The following USP24 variants were observed in gnomAD, a reference collection of about 807,000 sequenced individuals.
The protein encoded by USP24 is ubiquitin specific peptidase 24.
In USP24, 97 loss-of-function variants were observed where a neutral mutation model predicts 361.6. That is an observed-to-expected ratio of 0.27 (90% CI 0.23 to 0.32). The LOEUF (loss-of-function observed/expected upper bound fraction) is 0.32, where lower values mean the gene tolerates loss of function less well. Ranked by LOEUF, USP24 falls within the 10% of genes least tolerant of loss-of-function variation. The probability of loss-of-function intolerance (pLI) is 1.00; values close to 1 mark genes in which losing one functional copy is unlikely to be tolerated. For missense variants in USP24, 2,353 were observed against 3,165.6 expected, an observed-to-expected ratio of 0.74 and a Z score of 6.16; for synonymous variants, 1,098 against 1,124.6, an observed-to-expected ratio of 0.98 and a Z score of 0.47.
At chr1:55,185,861 G>A (rs534856129) in intron 1 of USP24, among the ~76,000 whole-genome samples, 5 of 152,034 alleles carry the variant, frequency 3.3e-5, no homozygotes, top group Admixed American at 2.0e-4. Flanking sequence ...GAGCCACCTC[G>A]CCAGGCCAAG....
intron 16 of USP24, among the ~76,000 whole-genome samples, chr1:55,149,130 C>T (rs1557637414): frequency 6.6e-6 from 1 of 152,164 alleles, no homozygotes; most frequent in Non-Finnish European, 1.5e-5. Flanking sequence ...AGACATTTTA[C>T]ACTTACACTG....
At chr1:55,168,573 C>A (rs1009236348) in intron 5 of USP24, among the ~76,000 whole-genome samples, 1 of 152,052 alleles carries the variant, frequency 6.6e-6, no homozygotes, top group South Asian at 2.1e-4. Flanking sequence ...AGGACATCAA[C>A]CCCAGGTGGG....
intron 59 of USP24, among the ~76,000 whole-genome samples, chr1:55,080,506 A>T (rs553161501): frequency 2.0e-5 from 3 of 152,282 alleles, no homozygotes; most frequent in African/African-American, 7.2e-5. Context: ...TCTGTGCCTT[A>T]GTTTTTGCAT....
At chr1:55,171,314 C>T (rs1649418357) in intron 5 of USP24, among the ~76,000 whole-genome samples, 1 of 152,110 alleles carries the variant, frequency 6.6e-6, no homozygotes, top group Non-Finnish European at 1.5e-5. Context: ...ACGCTAAAGA[C>T]ATTTCTCATT....
chr1:55,077,869 C>T (rs533154435), intron 61 of USP24, among the ~76,000 whole-genome samples: 5 of 152,270 alleles, frequency 3.3e-5, no homozygotes, highest in East Asian at 1.9e-4. Context: ...GAGCACTTCA[C>T]GTATTATACC....
At chr1:55,076,651 C>G (rs1413413828) in intron 62 of USP24, among the ~76,000 whole-genome samples, 1 of 152,170 alleles carries the variant, frequency 6.6e-6, no homozygotes, top group Admixed American at 6.5e-5. Context: ...TTCCCAGACT[C>G]CTAAATGGTC....
intron 67 of USP24, among the ~76,000 whole-genome samples, chr1:55,069,872 CAAAAAAAAAAAA>C (rs11365818): frequency 2.2e-4 from 8 of 35,660 alleles, no homozygotes; most frequent in African/African-American, 7.4e-4. Flanking sequence ...CACTCCATCT[CAAAAAAAAAAAA>C]AAAAAAAAAA....
intron 12 of USP24, among the ~76,000 whole-genome samples, chr1:55,156,004 G>A: frequency 6.6e-6 from 1 of 152,058 alleles, no homozygotes; most frequent in East Asian, 1.9e-4. Context: ...CCCCTGTAAT[G>A]AATTCCCTTT....
intron 38 of USP24, among the ~76,000 whole-genome samples, chr1:55,120,203 A>C (rs1646239521): frequency 6.6e-6 from 1 of 152,226 alleles, no homozygotes; most frequent in African/African-American, 2.4e-5. Context: ...CAAGAAGGCA[A>C]GCTAGGAGGA....
chr1:55,080,999 C>T (rs1645138323), intron 59 of USP24, among the ~76,000 whole-genome samples: 1 of 152,138 alleles, frequency 6.6e-6, no homozygotes, highest in Non-Finnish European at 1.5e-5. Context: ...CCAGCCCACA[C>T]CATGGCTATT....
chr1:55,153,559 C>G (rs1647318114), intron 16 of USP24, among the ~76,000 whole-genome samples: 1 of 152,032 alleles, frequency 6.6e-6, no homozygotes, highest in African/African-American at 2.4e-5. Context: ...GTCCACTGTA[C>G]TTATTAAAAC....
intron 42 of USP24, among the ~76,000 whole-genome samples, chr1:55,102,112 G>A (rs561311694): frequency 1.3e-5 from 2 of 152,150 alleles, no homozygotes; most frequent in South Asian, 2.1e-4. Flanking sequence ...TCAAGCAAAT[G>A]TCCTACTATA....
chr1:55,117,418 A>G (rs1338937083), intron 38 of USP24, among the ~76,000 whole-genome samples: 1 of 152,220 alleles, frequency 6.6e-6, no homozygotes, highest in Admixed American at 6.5e-5. Context: ...ATATATGGAA[A>G]GCCCTAAAGT....
intron 16 of USP24, among the ~76,000 whole-genome samples, chr1:55,149,963 C>T (rs1647148460): frequency 6.6e-6 from 1 of 152,186 alleles, no homozygotes; most frequent in African/African-American, 2.4e-5. Context: ...AAAGCATTTT[C>T]CGAAGTCAGG....
intron 28 of USP24, among the ~76,000 whole-genome samples, 176 bp from the exon 29 acceptor site, chr1:55,134,589 G>A (rs931314695): frequency 6.6e-6 from 1 of 152,192 alleles, no homozygotes; most frequent in African/African-American, 2.4e-5. Flanking sequence ...CATATTAGAC[G>A]AGGGATCACT....
intron 1 of USP24, among the ~76,000 whole-genome samples, chr1:55,200,227 A>T (rs189666240): frequency 6.6e-6 from 1 of 152,368 alleles, no homozygotes; most frequent in East Asian, 1.9e-4. Flanking sequence ...CCATTTTCTA[A>T]TATTTTACTA....
intron 39 of USP24, among the ~76,000 whole-genome samples, chr1:55,108,406 G>T (rs987948244): frequency 6.6e-6 from 1 of 152,184 alleles, no homozygotes; most frequent in Non-Finnish European, 1.5e-5. Context: ...ACGGTGAAGT[G>T]AAGAAGGACC....
chr1:55,150,636 C>A (rs543008585), intron 16 of USP24, among the ~76,000 whole-genome samples: 3 of 152,102 alleles, frequency 2.0e-5, no homozygotes, highest in East Asian at 3.9e-4. Flanking sequence ...ATTATGGTAA[C>A]AATATTTTTA....
At chr1:55,156,467 G>C (rs897424236) in intron 12 of USP24, among the ~76,000 whole-genome samples, 2 of 151,810 alleles carry the variant, frequency 1.3e-5, no homozygotes, top group African/African-American at 4.8e-5. Context: ...AGGAAAACCA[G>C]TAAAATGGAC....
Sources: allele counts gnomAD v4.1 joint callset (sites outside exome capture counted in the v4.1 genomes callset), GRCh38; gene constraint gnomAD v4.1.1; transcripts MANE v1.5; gene names NCBI Gene and HGNC (gene_info 2026-07-23, HGNC 2026-07-21).